Variants in TCEA1 observed in about 807,000 individuals in gnomAD.
TCEA1 encodes the protein transcription elongation factor A protein 1.
Under a neutral mutation model 43.8 loss-of-function variants are expected in TCEA1, and 21 were observed. The observed-to-expected ratio is 0.48, with a 90% CI of 0.34 to 0.69. The LOEUF is 0.69. Among genes scored for constraint, TCEA1 ranks in the 30% least tolerant of loss-of-function variants. The pLI is 0.01. For synonymous variants in TCEA1, 104 were observed against 117.5 expected (o/e 0.88, Z 0.75); for missense variants, 250 against 365.1 (o/e 0.68, Z 2.57).
In TCEA1 at chr8:53,998,688, T is replaced by C. The variant is rs1052486254; in HGVS notation, c.232+1257A>G. 2.0e-5 allele frequency among the ~76,000 whole-genome samples: 3 copies of C among 152,184 alleles called. No individual in the cohort carries two copies. The South Asian group carries it at 6.2e-4, about 32-fold the overall frequency. ...CAAAATAAAATTTAAGGTGAGGGAA[T>C]TCATATTTGTTGGGCTAGGACCCTA... On this transcript the variant is annotated intron_variant, in intron 3 of 9. Coordinates refer to ENST00000521604, the MANE Select transcript of TCEA1 (RefSeq NM_006756.4).
chr8:54,021,992 G>A, intron 1 of TCEA1, 71 bp downstream of exon 1: 3 of 1,375,002 alleles, frequency 2.2e-6, no homozygotes, highest in African/African-American at 1.5e-5. Context: ...GAGAAGGAGG[G>A]AGGGGGCGGC....
At chr8:53,986,285 C>G (rs1803686478) in intron 6 of TCEA1, among the ~76,000 whole-genome samples, 1 of 152,186 alleles carries the variant, frequency 6.6e-6, no homozygotes, top group Non-Finnish European at 1.5e-5. Flanking sequence ...GACAATGACC[C>G]AAAGCCCAGA....
intron 2 of TCEA1, among the ~76,000 whole-genome samples, chr8:54,007,340 T>C (rs1366228148): frequency 1.3e-5 from 2 of 151,994 alleles, no homozygotes; most frequent in Non-Finnish European, 2.9e-5. Flanking sequence ...CCAATTTGTG[T>C]GTGTGTATTT....
chr8:53,987,251 T>C (rs1803716937), intron 5 of TCEA1, among the ~76,000 whole-genome samples: 1 of 152,214 alleles, frequency 6.6e-6, no homozygotes, highest in African/African-American at 2.4e-5. Context: ...TCCTGATCCC[T>C]CAGGCACAGG....
At chr8:53,969,497 GA>G (rs78315623) in intron 9 of TCEA1, among the ~76,000 whole-genome samples, 5 of 144,028 alleles carry the variant, frequency 3.5e-5, no homozygotes, top group South Asian at 4.4e-4. Context: ...AAGTATAAAT[GA>G]AAAAAAAAAG....
At chr8:53,972,786 C>T (rs1186220021) in intron 8 of TCEA1, 7 of 718,104 alleles carry the variant, frequency 9.7e-6, no homozygotes, top group Admixed American at 1.8e-5. Context: ...CTGTGATTCT[C>T]CTGAAACAGC....
intron 1 of TCEA1, among the ~76,000 whole-genome samples, chr8:54,011,634 T>A (rs1224943664): frequency 6.6e-6 from 1 of 151,608 alleles, no homozygotes; most frequent in Non-Finnish European, 1.5e-5. Flanking sequence ...ATACACGCTA[T>A]CCCCCCAAAA....
intron 7 of TCEA1, among the ~76,000 whole-genome samples, chr8:53,979,777 CATT>C (rs1803448823): frequency 6.6e-6 from 1 of 152,152 alleles, no homozygotes; most frequent in Non-Finnish European, 1.5e-5. Flanking sequence ...CTATAGGTAA[CATT>C]ATTATTGTAG....
At position 54,010,032 on chromosome 8, in the gene TCEA1, T is replaced by TA. The variant is rs556323939; in HGVS notation, c.126+397dup. 7.0e-3 allele frequency: 1,271 copies of TA among 180,294 alleles called. 3 individuals carry two copies. The highest frequency in any genetic ancestry group is 0.014 in the African/African-American group (530 of 39,106). 11.2% of individuals were successfully genotyped at this position (180,294 alleles called of 1,614,324 possible). A position where few individuals can be genotyped will look rare whatever the true frequency, so the allele number is the denominator to read the frequency against. On this transcript the variant is annotated intron_variant, in intron 2 of 9. Coordinates refer to ENST00000521604, the MANE Select transcript of TCEA1 (RefSeq NM_006756.4). ...AACTGTGTACATGCTTGACTGGTGC[T>TA]AAAAAAAAAAGAAAAAAAAAGGGAG...
intron 1 of TCEA1, among the ~76,000 whole-genome samples, chr8:54,016,714 C>G (rs77658619): frequency 0.033 from 5,077 of 151,756 alleles, 271 homozygotes; most frequent in African/African-American, 0.11. Flanking sequence ...GTGGCTCACG[C>G]GTGGAAATCC....
At chr8:54,022,014 G>T in intron 1 of TCEA1, 49 bp downstream of exon 1, 11 of 1,542,994 alleles carry the variant, frequency 7.1e-6, no homozygotes, top group Non-Finnish European at 8.7e-6. Flanking sequence ...CCCTCGGGCC[G>T]GACCGCGGCC....
intron 7 of TCEA1, among the ~76,000 whole-genome samples, chr8:53,981,255 C>T (rs188568593): frequency 6.2e-4 from 95 of 152,300 alleles, no homozygotes; most frequent in Middle Eastern, 6.8e-3. Context: ...ATGAAGGTAG[C>T]TATTCTAAAC....
At chr8:53,978,183 G>A (rs1223975252) in intron 8 of TCEA1, among the ~76,000 whole-genome samples, 1 of 152,050 alleles carries the variant, frequency 6.6e-6, no homozygotes, top group Non-Finnish European at 1.5e-5. Context: ...AGGATCATTC[G>A]AGTCTGGAAA....
rs767928941 is a variant in TCEA1 at position 54,022,131 on chromosome 8, C to T, written c.-6G>A. On this transcript the variant is annotated 5_prime_UTR_variant, in exon 1 of 10. Transcript: ENST00000521604. Reference sequence around the variant, plus strand: ...CGGACCACTTCGTCCTCCATGGCTCCGGCAGGTCTTCTCCGCGCCCACCCC... The same window carrying T: ...CGGACCACTTCGTCCTCCATGGCTCTGGCAGGTCTTCTCCGCGCCCACCCC... 5 of 1,606,244 alleles carry T rather than the reference C, an allele frequency of 3.1e-6. No individual in the cohort carries two copies. The Admixed American group carries it at 8.4e-5, about 27-fold the overall frequency.
intron 9 of TCEA1, among the ~76,000 whole-genome samples, chr8:53,969,997 G>A (rs954958929): frequency 1.3e-5 from 2 of 151,936 alleles, no homozygotes; most frequent in African/African-American, 4.8e-5. Flanking sequence ...TAAAATCATT[G>A]GGTCTGATTT....
intron 4 of TCEA1, among the ~76,000 whole-genome samples, chr8:53,992,017 A>T (rs1803899629): frequency 6.6e-6 from 1 of 152,136 alleles, no homozygotes; most frequent in African/African-American, 2.4e-5. Flanking sequence ...AATGTCCTAA[A>T]TACCTCAACA....
intron 2 of TCEA1, among the ~76,000 whole-genome samples, chr8:54,007,242 T>C (rs182268687): frequency 1.4e-3 from 209 of 152,310 alleles, no homozygotes; most frequent in African/African-American, 3.7e-3. Context: ...ATGGATTAAA[T>C]AAAATACATA....
At chr8:53,979,568 T>TA (rs1467536727) in intron 7 of TCEA1, among the ~76,000 whole-genome samples, 1 of 152,190 alleles carries the variant, frequency 6.6e-6, no homozygotes, top group Non-Finnish European at 1.5e-5. Flanking sequence ...GCAAAGATGG[T>TA]AACAGTCCTT....
rs181309046 is a variant in TCEA1 at position 53,988,591 on chromosome 8, G to A, written c.321-332C>T. Among the ~76,000 whole-genome samples the A allele has an allele frequency of 4.8e-3, 732 of 152,270 alleles. 3 individuals carry two copies. The highest frequency in any genetic ancestry group is 0.016 in the African/African-American group (647 of 41,550). On this transcript the variant is annotated intron_variant, in intron 4 of 9. Transcript: ENST00000521604. The stretch of plus-strand genomic sequence containing the variant: ...AAAAGCAATGATCTTGGTATAAGGA[G>A]AGGGATGAAGGGATGGGACCAGAGA...
Sources: allele counts gnomAD v4.1 joint callset (sites outside exome capture counted in the v4.1 genomes callset), GRCh38; gene constraint gnomAD v4.1.1; transcripts MANE v1.5; gene names NCBI Gene and HGNC (gene_info 2026-07-23, HGNC 2026-07-21).